Variants in DCDC2C observed in about 807,000 individuals in gnomAD.
The protein encoded by DCDC2C is doublecortin domain containing 2C, also known as doublecortin domain-containing protein 2C.
In DCDC2C, 44 loss-of-function variants were observed where a neutral mutation model predicts 45.0. The ratio of observed to expected loss-of-function variants is 0.98; its 90% confidence interval spans 0.77 to 1.26. The LOEUF is 1.26. DCDC2C is among the 50% of genes most tolerant of loss of function. The pLI is 0.00. For missense variants in DCDC2C, 447 were observed against 468.9 expected (o/e 0.95, Z 0.43); for synonymous variants, 187 against 178.8 (o/e 1.05, Z -0.37).
intron 10 of DCDC2C, among the ~76,000 whole-genome samples, chr2:3,822,973 G>C (rs13010014): frequency 6.6e-6 from 1 of 151,898 alleles, no homozygotes; most frequent in African/African-American, 2.4e-5. Context: ...GCTGCCATCC[G>C]TGTAAGGTGT....
intron 10 of DCDC2C, among the ~76,000 whole-genome samples, chr2:3,827,205 G>A (rs1183518270): frequency 6.6e-6 from 1 of 152,138 alleles, no homozygotes; most frequent in Non-Finnish European, 1.5e-5. Context: ...GCTGGAAGGG[G>A]AAGAGATCCT....
chr2:3,780,970 T>C (rs908367811), intron 9 of DCDC2C, among the ~76,000 whole-genome samples: 1 of 152,218 alleles, frequency 6.6e-6, no homozygotes. Flanking sequence ...GTAGATACCG[T>C]TGCTTCGCTG....
Position 3,742,045 on chromosome 2 carries a change from G to C in DCDC2C, c.542G>C (p.Arg181Pro). The C allele has an allele frequency of 6.5e-7, 1 of 1,536,812 alleles. No homozygotes were observed. Among genetic ancestry groups the C allele is most frequent in the Non-Finnish European group, 8.8e-7 (1 of 1,141,620 alleles). The change falls in exon 4 of 11, where the codon CGG (arginine) becomes CCG (proline). Residue 181 changes from arginine (R) to proline (P), a missense_variant. Transcript: ENST00000399143. ...GEKVFPLGGV[R>P]KLFTMNGHLL... ...AAAGTCTTCCCTCTAGGAGGCGTTC[G>C]GAAGTAAGGAGACTCTCGCCTTTAG... is the stretch of plus-strand genomic sequence containing the variant.
chr2:3,750,661 C>G (rs536872693), intron 4 of DCDC2C, among the ~76,000 whole-genome samples: 1 of 152,280 alleles, frequency 6.6e-6, no homozygotes, highest in South Asian at 2.1e-4. Flanking sequence ...AGGATGCTGT[C>G]TGTGACCTTG....
chr2:3,760,197 T>TC (rs1434215744), intron 6 of DCDC2C, among the ~76,000 whole-genome samples: 12 of 152,400 alleles, frequency 7.9e-5, no homozygotes, highest in African/African-American at 2.9e-4. Flanking sequence ...GCACAGCTCT[T>TC]CGCCTCTTAG....
chr2:3,832,282 T>C (rs916962435), intron 10 of DCDC2C, among the ~76,000 whole-genome samples: 1 of 152,162 alleles, frequency 6.6e-6, no homozygotes, highest in Non-Finnish European at 1.5e-5. Context: ...AAAAGTAGAC[T>C]CCAATATGTT....
intron 10 of DCDC2C, among the ~76,000 whole-genome samples, chr2:3,817,544 G>A (rs919519622): frequency 6.6e-6 from 1 of 152,206 alleles, no homozygotes; most frequent in East Asian, 1.9e-4. Context: ...TGGAGAGTGA[G>A]TGGAGCATAG....
intron 10 of DCDC2C, among the ~76,000 whole-genome samples, chr2:3,833,154 C>G (rs141690242): frequency 4.5e-4 from 69 of 152,354 alleles, no homozygotes; most frequent in Non-Finnish European, 6.9e-4. Context: ...ACGTTGCCCT[C>G]TGGCTCTTCT....
chr2:3,711,170 G>A (rs956963798), intron 2 of DCDC2C, among the ~76,000 whole-genome samples: 1 of 152,222 alleles, frequency 6.6e-6, no homozygotes, highest in Non-Finnish European at 1.5e-5. Context: ...TGGAGAAAGA[G>A]AACACTTTTA....
At chr2:3,766,310 G>GCATACACACACA (rs775538945) in intron 6 of DCDC2C, among the ~76,000 whole-genome samples, 76 of 146,154 alleles carry the variant, frequency 5.2e-4, no homozygotes, top group African/African-American at 1.8e-3. Context: ...ACACACACAC[G>GCATACACACACA]CACACACACA....
chr2:3,811,957 T>G (rs1671407309), intron 10 of DCDC2C, among the ~76,000 whole-genome samples: 1 of 152,240 alleles, frequency 6.6e-6, no homozygotes, highest in African/African-American at 2.4e-5. Flanking sequence ...ATAAGCTTTT[T>G]AACGTGCTGC....
intron 4 of DCDC2C, among the ~76,000 whole-genome samples, chr2:3,746,858 T>G (rs1669378229): frequency 6.6e-6 from 1 of 152,062 alleles, no homozygotes; most frequent in Non-Finnish European, 1.5e-5. Context: ...GAAGGCTTCA[T>G]AGAGGTGGCG....
intron 1 of DCDC2C, among the ~76,000 whole-genome samples, chr2:3,708,030 G>A (rs1270694765): frequency 6.6e-6 from 1 of 152,114 alleles, no homozygotes; most frequent in Non-Finnish European, 1.5e-5. Context: ...AAAAAAAATT[G>A]TGTTAGTAGG....
chr2:3,802,025 T>C (rs1182876044), intron 10 of DCDC2C, among the ~76,000 whole-genome samples: 1 of 152,226 alleles, frequency 6.6e-6, no homozygotes, highest in East Asian at 1.9e-4. Flanking sequence ...TTGATGGAAA[T>C]GCTATGTGAG....
Position 3,752,899 on chromosome 2 carries a change from C to T in DCDC2C, c.682C>T (p.Gln228Ter). The change falls in exon 5 of 11, where the codon CAA (glutamine) becomes TAA (stop). Residue 228 changes from glutamine to a stop codon, truncating the protein, a stop_gained and splice_region_variant. Coordinates refer to ENST00000399143, the MANE Select transcript of DCDC2C (RefSeq NM_001287444.2). LOFTEE classifies it high-confidence loss of function. ...KSPRVPSEVQ[Q>*]RYANVEKNSQ... The stretch of plus-strand genomic sequence containing the variant: ...TCCAAGGGTGCCCAGTGAGGTCCAA[C>T]AGTGAGCATGCTTCGTACCTTTCTT... The T allele has an allele frequency of 6.4e-7, 1 of 1,550,440 alleles. No individual in the cohort carries two copies. Among genetic ancestry groups the T allele is most frequent in the Non-Finnish European group, 8.7e-7 (1 of 1,146,924 alleles).
chr2:3,708,627 A>G, intron 2 of DCDC2C, 27 bp downstream of exon 2: 1 of 1,517,976 alleles, frequency 6.6e-7, no homozygotes, highest in South Asian at 1.3e-5. Flanking sequence ...AACAACTAAT[A>G]ATGGAATAAA....
At chr2:3,826,709 G>A (rs1273850703) in intron 10 of DCDC2C, among the ~76,000 whole-genome samples, 2 of 152,108 alleles carry the variant, frequency 1.3e-5, no homozygotes, top group African/African-American at 4.8e-5. Flanking sequence ...CCACAGCTTT[G>A]CGTGGTGTCT....
intron 10 of DCDC2C, among the ~76,000 whole-genome samples, chr2:3,823,627 G>A (rs1671744776): frequency 6.6e-6 from 1 of 152,156 alleles, no homozygotes; most frequent in Non-Finnish European, 1.5e-5. Context: ...TGGGACTCAT[G>A]TTAGGCTTCT....
chr2:3,779,552 T>C (rs117859567), intron 9 of DCDC2C, among the ~76,000 whole-genome samples: 40 of 152,378 alleles, frequency 2.6e-4, no homozygotes, highest in Non-Finnish European at 4.6e-4. Context: ...AAGTGGACTT[T>C]GAGGACTTTG....
Sources: gnomAD v4.1 joint callset for allele counts (sites outside exome capture counted in the v4.1 genomes callset) on GRCh38, gnomAD v4.1.1 for gene constraint, MANE v1.5 for transcripts, NCBI Gene and HGNC (gene_info 2026-07-23, HGNC 2026-07-21) for gene names.